SLC16A10: variants seen among roughly 807,000 people sequenced by gnomAD.
SLC16A10 encodes monocarboxylate transporter 10.
Under a neutral mutation model 40.0 loss-of-function variants are expected in SLC16A10, and 27 were observed. The observed-to-expected ratio is 0.67, with a 90% confidence interval of 0.50 to 0.93. The LOEUF (loss-of-function observed/expected upper bound fraction) is 0.93, where lower values mean the gene tolerates loss of function less well. Among genes scored for constraint, SLC16A10 ranks in the 40% least tolerant of loss-of-function variants. The probability of loss-of-function intolerance (pLI) is 0.00; values close to 1 mark genes in which losing one functional copy is unlikely to be tolerated. For missense variants in SLC16A10, 529 were observed against 658.2 expected, an observed-to-expected ratio of 0.80 and a Z score of 2.15; for synonymous variants, 213 against 249.8, an observed-to-expected ratio of 0.85 and a Z score of 1.39.
At chr6:111,134,152 A>G (rs1771834760) in intron 1 of SLC16A10, among the ~76,000 whole-genome samples, 4 of 152,238 alleles carry the variant, frequency 2.6e-5, no homozygotes, top group African/African-American at 9.6e-5. Context: ...GGCAGCAGGC[A>G]GTTCCCAGTG....
chr6:111,177,754 C>T, intron 3 of SLC16A10, 89 bp downstream of exon 3: 1 of 1,196,798 alleles, frequency 8.4e-7, no homozygotes, highest in East Asian at 2.4e-5. Context: ...TTAAAGTTGG[C>T]CTCAAACATT....
At chr6:111,118,675 GTC>G (rs1771531456) in intron 1 of SLC16A10, among the ~76,000 whole-genome samples, 1 of 114,508 alleles carries the variant, frequency 8.7e-6, no homozygotes, top group Non-Finnish European at 1.7e-5. Context: ...GTGAGCCTCC[GTC>G]TCAAAAAAAA....
chr6:111,197,708 TGGTGA>T lies in SLC16A10; in HGVS notation c.943-8880_943-8876del, dbSNP rs1773102028. Reference sequence around the variant, plus strand: ...TGGCCCCAGCATCTGCTCAGTTTTCTGGTGAGGTCTCGGGGAGCTTTTACTCATGG... The same window carrying T: ...TGGCCCCAGCATCTGCTCAGTTTTCTGGTCTCGGGGAGCTTTTACTCATGG... On this transcript the variant is annotated intron_variant, in intron 3 of 5. Transcript: ENST00000368851. Among the ~76,000 whole-genome samples the T allele has an allele frequency of 3.3e-5, 5 of 152,270 alleles. 1 individual carries two copies. Among genetic ancestry groups the T allele is most frequent in the Non-Finnish European group, 7.4e-5 (5 of 68,026 alleles).
intron 2 of SLC16A10, among the ~76,000 whole-genome samples, chr6:111,175,409 C>CTTGTGTATTGTA (rs1772661236): frequency 6.6e-6 from 1 of 152,106 alleles, no homozygotes; most frequent in Non-Finnish European, 1.5e-5. Context: ...TACAGTGATA[C>CTTGTGTATTGTA]CACTGTACAG....
chr6:111,117,177 C>T (rs543282793), intron 1 of SLC16A10, among the ~76,000 whole-genome samples: 5 of 151,808 alleles, frequency 3.3e-5, no homozygotes, highest in Admixed American at 6.6e-5. Flanking sequence ...GTTGAAACCC[C>T]GTCTCTACTA....
chr6:111,229,202 G>A lies in SLC16A10; in HGVS notation c.*6967G>A, dbSNP rs2114603231. 1 of 151,812 alleles carries A rather than the reference G, an allele frequency of 6.6e-6. No homozygotes were observed. The highest frequency in any genetic ancestry group is 2.1e-4 in the South Asian group (1 of 4,808). 9.4% of individuals were successfully genotyped at this position (151,812 alleles called of 1,614,324 possible). ...AAAAATATTAATATACAACACAATA[G>A]AAAATGTATACAGCCAGCAACGTTA... On this transcript the variant is annotated 3_prime_UTR_variant, in exon 6 of 6. Transcript: ENST00000368851.
At chr6:111,105,302 T>G (rs913043353) in intron 1 of SLC16A10, among the ~76,000 whole-genome samples, 1 of 152,204 alleles carries the variant, frequency 6.6e-6, no homozygotes, top group African/African-American at 2.4e-5. Context: ...CTGAGCCAAC[T>G]ACTTCATTCA....
intron 1 of SLC16A10, among the ~76,000 whole-genome samples, chr6:111,138,064 G>A (rs905200119): frequency 3.3e-5 from 5 of 152,136 alleles, no homozygotes; most frequent in African/African-American, 1.2e-4. Context: ...ATTAAATCTT[G>A]CAACTGCACA....
intron 1 of SLC16A10, among the ~76,000 whole-genome samples, chr6:111,146,212 C>T (rs576745233): frequency 6.6e-6 from 1 of 152,298 alleles, no homozygotes; most frequent in Admixed American, 6.5e-5. Context: ...AAAATGTACT[C>T]AACCTCATTG....
At chr6:111,191,436 T>G (rs566095564) in intron 3 of SLC16A10, among the ~76,000 whole-genome samples, 1 of 152,232 alleles carries the variant, frequency 6.6e-6, no homozygotes, top group African/African-American at 2.4e-5. Context: ...GCATTTGGGT[T>G]GGTTCCAAGT....
intron 1 of SLC16A10, among the ~76,000 whole-genome samples, chr6:111,165,962 T>A (rs1223085180): frequency 6.6e-6 from 1 of 152,156 alleles, no homozygotes; most frequent in Non-Finnish European, 1.5e-5. Context: ...CTTATTCAGT[T>A]TTTTTTCCTT....
chr6:111,155,436 G>A (rs1772253860), intron 1 of SLC16A10, among the ~76,000 whole-genome samples: 1 of 151,894 alleles, frequency 6.6e-6, no homozygotes, highest in Non-Finnish European at 1.5e-5. Context: ...CTGGCCTCAA[G>A]CAGCTCTCCA....
chr6:111,178,433 A>C (rs749611349), intron 3 of SLC16A10: 4 of 532,118 alleles, frequency 7.5e-6, no homozygotes, highest in Non-Finnish European at 1.5e-5. Context: ...CTGAAATACG[A>C]ATAATTAATG....
intron 3 of SLC16A10, among the ~76,000 whole-genome samples, chr6:111,192,896 A>G (rs1357987612): frequency 6.6e-6 from 1 of 152,236 alleles, no homozygotes; most frequent in Non-Finnish European, 1.5e-5. Context: ...CCTAGGACAC[A>G]TGGGGATTAT....
intron 1 of SLC16A10, among the ~76,000 whole-genome samples, chr6:111,164,311 G>A (rs1396940279): frequency 3.3e-5 from 5 of 151,952 alleles, no homozygotes; most frequent in Admixed American, 3.3e-4. Flanking sequence ...TGGTATAATG[G>A]TAAACCTTAG....
At chr6:111,115,394 A>T (rs1161767486) in intron 1 of SLC16A10, among the ~76,000 whole-genome samples, 1 of 152,168 alleles carries the variant, frequency 6.6e-6, no homozygotes, top group Non-Finnish European at 1.5e-5. Flanking sequence ...TTTTGAGTAG[A>T]GACAAGGTTT....
At chr6:111,189,445 A>G (rs539551140) in intron 3 of SLC16A10, among the ~76,000 whole-genome samples, 6 of 152,224 alleles carry the variant, frequency 3.9e-5, no homozygotes, top group African/African-American at 1.4e-4. Context: ...TTGATGTATT[A>G]TTAAAAATCT....
intron 1 of SLC16A10, among the ~76,000 whole-genome samples, chr6:111,131,200 G>C (rs968638709): frequency 6.6e-6 from 1 of 152,330 alleles, no homozygotes; most frequent in South Asian, 2.1e-4. Flanking sequence ...CTCTGGATCC[G>C]GCAGGGTGTC....
chr6:111,162,640 G>A (rs1310252238), intron 1 of SLC16A10, among the ~76,000 whole-genome samples: 1 of 152,164 alleles, frequency 6.6e-6, no homozygotes, highest in African/African-American at 2.4e-5. Context: ...TAACTGTATT[G>A]CTGCAAATTA....
Sources: gnomAD v4.1 joint callset for allele counts (sites outside exome capture counted in the v4.1 genomes callset) on GRCh38, gnomAD v4.1.1 for gene constraint, MANE v1.5 for transcripts, NCBI Gene and HGNC (gene_info 2026-07-23, HGNC 2026-07-21) for gene names.